Variants in C10orf90 observed in about 807,000 individuals in gnomAD.
C10orf90 encodes chromosome 10 open reading frame 90.
A neutral mutation model predicts 62.5 loss-of-function variants in C10orf90; 56 were observed. That is an observed-to-expected ratio of 0.90 (90% CI 0.72 to 1.12). The LOEUF is 1.12. Ranked by LOEUF, C10orf90 falls within the 50% of genes most tolerant of loss-of-function variation. C10orf90 has a pLI of 0.00. For missense variants in C10orf90, 970 were observed against 880.4 expected (o/e 1.10, Z -1.29); for synonymous variants, 386 against 340.4 (o/e 1.13, Z -1.47).
intron 2 of C10orf90, among the ~76,000 whole-genome samples, chr10:126,582,857 C>G (rs1390996874): frequency 6.6e-6 from 1 of 152,148 alleles, no homozygotes; most frequent in Non-Finnish European, 1.5e-5. Context: ...GAAAATATAT[C>G]TTTCACCACT....
At chr10:126,540,068 G>A (rs985573968) in intron 2 of C10orf90, among the ~76,000 whole-genome samples, 1 of 152,132 alleles carries the variant, frequency 6.6e-6, no homozygotes, top group Non-Finnish European at 1.5e-5. Context: ...CTTTCATAAA[G>A]AGCAGTAACA....
At chr10:126,472,811 C>T (rs1054468294) in intron 4 of C10orf90, among the ~76,000 whole-genome samples, 4 of 152,078 alleles carry the variant, frequency 2.6e-5, no homozygotes, top group Non-Finnish European at 4.4e-5. Flanking sequence ...TGTACGTGCA[C>T]GCAAGCATGC....
chr10:126,644,719 G>A (rs1188248106), intron 2 of C10orf90, among the ~76,000 whole-genome samples: 2 of 152,138 alleles, frequency 1.3e-5, no homozygotes, highest in African/African-American at 2.4e-5. Context: ...GGAAGTGCCC[G>A]GTCCTAAGAT....
intron 1 of C10orf90, among the ~76,000 whole-genome samples, chr10:126,654,101 A>T (rs982751881): frequency 6.6e-6 from 1 of 152,274 alleles, no homozygotes; most frequent in Admixed American, 6.5e-5. Context: ...ATTTAGCACT[A>T]TTCTTAAGGG....
intron 4 of C10orf90, among the ~76,000 whole-genome samples, chr10:126,501,354 A>T (rs1233895356): frequency 6.6e-6 from 1 of 152,160 alleles, no homozygotes; most frequent in African/African-American, 2.4e-5. Context: ...AATAGAGTCC[A>T]CTGGAAATTA....
At chr10:126,549,989 TCTGTTAC>T (rs1034896031) in intron 2 of C10orf90, among the ~76,000 whole-genome samples, 4 of 149,786 alleles carry the variant, frequency 2.7e-5, no homozygotes, top group African/African-American at 9.9e-5. Flanking sequence ...ACAGTCTCTC[TCTGTTAC>T]CCAGGCTGGA....
chr10:126,443,760 T>C (rs1353055718), intron 7 of C10orf90, among the ~76,000 whole-genome samples: 1 of 152,116 alleles, frequency 6.6e-6, no homozygotes, highest in Non-Finnish European at 1.5e-5. Flanking sequence ...TGAATACAGA[T>C]GCTAAAATTA....
intron 2 of C10orf90, among the ~76,000 whole-genome samples, chr10:126,566,083 A>C (rs1377630061): frequency 6.6e-6 from 1 of 152,210 alleles, no homozygotes; most frequent in African/African-American, 2.4e-5. Context: ...AGCCAGGTGT[A>C]GGACTGACAG....
intron 7 of C10orf90, among the ~76,000 whole-genome samples, chr10:126,452,125 G>A (rs920626451): frequency 6.6e-6 from 1 of 152,056 alleles, no homozygotes; most frequent in African/African-American, 2.4e-5. Flanking sequence ...TATGTTACCT[G>A]CATTTAATAA....
intron 4 of C10orf90, among the ~76,000 whole-genome samples, chr10:126,466,685 A>T (rs1241860959): frequency 6.6e-6 from 1 of 152,168 alleles, no homozygotes; most frequent in African/African-American, 2.4e-5. Context: ...TTTCTTATTC[A>T]CCAAGAGGGG....
intron 1 of C10orf90, among the ~76,000 whole-genome samples, chr10:126,653,609 A>G (rs11245080): frequency 0.47 from 71,449 of 151,912 alleles, 17,411 homozygotes; most frequent in East Asian, 0.58. Context: ...GAACCCCTCA[A>G]AGTCATCCAT....
At chr10:126,603,390 G>A (rs1051260545) in intron 2 of C10orf90, among the ~76,000 whole-genome samples, 13 of 152,100 alleles carry the variant, frequency 8.5e-5, no homozygotes, top group African/African-American at 3.1e-4. Flanking sequence ...AGAGCAGCAT[G>A]GGGGTAACCG....
chr10:126,456,967 G>GCTTTGT lies in C10orf90; in HGVS notation c.2188+2072_2188+2073insACAAAG, dbSNP rs551657278. ...TGCAAGAAAGTAAGTTTCTGGGCTT[G>GCTTTGT]TTTTGTTTTTGTTTTTGCTTTTGTA... On this transcript the variant is annotated intron_variant, in intron 7 of 9. Coordinates refer to ENST00000488181, the MANE Select transcript of C10orf90 (RefSeq NM_001350921.2). The surrounding 1 kb of genome is among the most constrained non-coding windows in gnomAD (Gnocchi z 4.9). Among the ~76,000 whole-genome samples, 1,422 of 152,244 alleles carry GCTTTGT rather than the reference G, an allele frequency of 9.3e-3. 15 individuals carry two copies. The highest frequency in any genetic ancestry group is 0.031 in the African/African-American group (1,302 of 41,542).
chr10:126,436,287 A>G (rs1315062396), intron 7 of C10orf90, among the ~76,000 whole-genome samples: 1 of 152,242 alleles, frequency 6.6e-6, no homozygotes, highest in African/African-American at 2.4e-5. Context: ...AAAGTGGTAC[A>G]GACTATTTTC....
intron 2 of C10orf90, among the ~76,000 whole-genome samples, chr10:126,606,261 A>G (rs1845309383): frequency 6.6e-6 from 1 of 152,210 alleles, no homozygotes; most frequent in Admixed American, 6.5e-5. Flanking sequence ...AAAGAGATGA[A>G]TAATGTCACC....
At chr10:126,625,537 C>T (rs1812877541) in intron 2 of C10orf90, among the ~76,000 whole-genome samples, 1 of 152,198 alleles carries the variant, frequency 6.6e-6, no homozygotes, top group Non-Finnish European at 1.5e-5. Context: ...TCCTGCCCCC[C>T]TTCTCCTGTC....
intron 2 of C10orf90, among the ~76,000 whole-genome samples, chr10:126,610,327 C>G (rs1054416777): frequency 6.6e-6 from 1 of 152,236 alleles, no homozygotes; most frequent in African/African-American, 2.4e-5. Context: ...GACCCTCTAC[C>G]GTCTATAACC....
intron 2 of C10orf90, among the ~76,000 whole-genome samples, chr10:126,636,356 GAGAA>G (rs1762795811): frequency 6.6e-6 from 1 of 152,148 alleles, no homozygotes; most frequent in Non-Finnish European, 1.5e-5. Flanking sequence ...CACACACAGA[GAGAA>G]AGAGAGAGAC....
At chr10:126,627,978 T>C (rs1845779560) in intron 2 of C10orf90, among the ~76,000 whole-genome samples, 1 of 152,222 alleles carries the variant, frequency 6.6e-6, no homozygotes, top group Non-Finnish European at 1.5e-5. Flanking sequence ...TGAGAAAACT[T>C]GCTTGTTCTT....
Sources: gnomAD v4.1 joint callset for allele counts (sites outside exome capture counted in the v4.1 genomes callset) on GRCh38, gnomAD v4.1.1 for gene constraint, Gnocchi (gnomAD v3.1) non-coding constraint, MANE v1.5 for transcripts, NCBI Gene and HGNC (gene_info 2026-07-23, HGNC 2026-07-21) for gene names.